The following GDA variants were observed in gnomAD, a reference collection of about 807,000 sequenced individuals.
GDA encodes cytoplasmic PSD-95 interactor.
A neutral mutation model predicts 59.6 loss-of-function variants in GDA; 18 were observed. The ratio of observed to expected loss-of-function variants is 0.30; its 90% CI spans 0.21 to 0.45. GDA has a LOEUF of 0.45. Among genes scored for constraint, GDA ranks in the 20% least tolerant of loss-of-function variants. The pLI is 1.00. For missense variants in GDA, 427 were observed against 552.3 expected (o/e 0.77, Z 2.27); for synonymous variants, 201 against 201.1 (o/e 1.00, Z 0.00).
chr9:72,116,489 T>C (rs1825453092), intron 1 of GDA, among the ~76,000 whole-genome samples: 1 of 148,196 alleles, frequency 6.7e-6, no homozygotes, highest in Non-Finnish European at 1.5e-5. Flanking sequence ...TTCAAGCAAT[T>C]CTCCTGCCTC....
chr9:72,161,675 T>C (rs934271199), intron 1 of GDA, among the ~76,000 whole-genome samples: 4 of 152,230 alleles, frequency 2.6e-5, no homozygotes, highest in Non-Finnish European at 5.9e-5. Flanking sequence ...GTTTGCTTTT[T>C]CATAAGATGG....
intron 1 of GDA, among the ~76,000 whole-genome samples, chr9:72,136,663 C>T (rs1826234657): frequency 1.3e-5 from 2 of 152,130 alleles, no homozygotes; most frequent in Admixed American, 1.3e-4. Flanking sequence ...TTTTCAAATG[C>T]AACTTTTGGC....
intron 1 of GDA, among the ~76,000 whole-genome samples, chr9:72,165,105 A>G (rs1049190834): frequency 6.6e-6 from 1 of 152,150 alleles, no homozygotes; most frequent in South Asian, 2.1e-4. Context: ...CTGAATCACA[A>G]TTCACTTGTG....
At chr9:72,182,626 G>A (rs562281836) in intron 1 of GDA, among the ~76,000 whole-genome samples, 2 of 152,192 alleles carry the variant, frequency 1.3e-5, no homozygotes, top group South Asian at 4.2e-4. Flanking sequence ...AAACTTTGTG[G>A]GGAGATACTT....
At chr9:72,225,078 T>A (rs1452706254) in intron 7 of GDA, among the ~76,000 whole-genome samples, 1 of 152,110 alleles carries the variant, frequency 6.6e-6, no homozygotes, top group Non-Finnish European at 1.5e-5. Context: ...GGTCAGGAGT[T>A]TGAGACCAGC....
chr9:72,165,771 G>A (rs1393770144), intron 1 of GDA, among the ~76,000 whole-genome samples: 2 of 148,258 alleles, frequency 1.3e-5, no homozygotes, highest in African/African-American at 2.4e-5. Context: ...GATGGCAGGT[G>A]CCTGTAATCC....
chr9:72,161,364 C>G (rs570278591), intron 1 of GDA, among the ~76,000 whole-genome samples: 84 of 152,276 alleles, frequency 5.5e-4, no homozygotes, highest in African/African-American at 2.0e-3. Context: ...TCTTCAATAA[C>G]TGGTGCTTGG....
intron 11 of GDA, among the ~76,000 whole-genome samples, chr9:72,241,545 A>G (rs1389315847): frequency 1.3e-5 from 2 of 152,176 alleles, no homozygotes; most frequent in Non-Finnish European, 2.9e-5. Context: ...AATTGTTTTA[A>G]TGGGTATTAC....
At position 72,245,169 on chromosome 9, in the gene GDA, T is replaced by C. The variant is rs1372753729; in HGVS notation, c.1157T>C (p.Ile386Thr). 8.1e-6 allele frequency: 13 copies of C among 1,613,752 alleles called. No homozygotes were observed. Among genetic ancestry groups the C allele is most frequent in the African/African-American group, 1.3e-5 (1 of 74,928 alleles). The stretch of plus-strand genomic sequence containing the variant: ...ATAGCCCTGGGGCTGGATGGTGAGA[T>C]TGGAAACTTTGAAGTGGGCAAGGAA... ...GSQALGLDGE[I>T]GNFEVGKEFD... Residue 386 changes from isoleucine (I) to threonine (T), a missense_variant, in exon 12 of 14, where the codon ATT (isoleucine) becomes ACT (threonine). Transcript: ENST00000358399.
upstream of GDA, chr9:72,149,271 A>C (rs1168807747): frequency 2.3e-6 from 1 of 443,402 alleles, no homozygotes; most frequent in Non-Finnish European, 4.0e-6. Context: ...TTGATAACTC[A>C]AAGAGTTAAC....
intron 1 of GDA, among the ~76,000 whole-genome samples, chr9:72,137,247 T>C (rs1168083529): frequency 1.8e-4 from 23 of 126,718 alleles, no homozygotes; most frequent in African/African-American, 5.6e-4. Flanking sequence ...TTTTTCTTTT[T>C]TTTTTTTTTT....
chr9:72,192,223 CTTTTTTTTTTT>C (rs869237933), intron 1 of GDA, among the ~76,000 whole-genome samples: 5 of 46,278 alleles, frequency 1.1e-4, no homozygotes, highest in Non-Finnish European at 1.5e-4. Flanking sequence ...TTCAAATAGC[CTTTTTTTTTTT>C]TTTTTTTTTT....
chr9:72,165,349 T>G (rs1230072012), intron 1 of GDA, among the ~76,000 whole-genome samples: 1 of 152,242 alleles, frequency 6.6e-6, no homozygotes, highest in Non-Finnish European at 1.5e-5. Context: ...AATCTAGCAT[T>G]TCAGCGTCAC....
chr9:72,156,615 CTG>C (rs774474751), intron 1 of GDA, among the ~76,000 whole-genome samples: 6 of 152,190 alleles, frequency 3.9e-5, no homozygotes, highest in Non-Finnish European at 8.8e-5. Context: ...ATGGCAAACA[CTG>C]TTGGTTACCC....
intron 1 of GDA, among the ~76,000 whole-genome samples, chr9:72,153,546 C>T (rs1827494968): frequency 6.7e-6 from 1 of 150,268 alleles, no homozygotes; most frequent in Non-Finnish European, 1.5e-5. Flanking sequence ...TTTATTGTGG[C>T]ACTATTCACA....
Position 72,134,923 on chromosome 9 carries a change from G to C in GDA, c.-100+20090G>C, listed in dbSNP as rs1826164509. 2.0e-5 allele frequency among the ~76,000 whole-genome samples: 3 copies of C among 152,212 alleles called. No individual in the cohort carries two copies. In the South Asian group the frequency reaches 6.2e-4, roughly 32 times the overall value. On this transcript the variant is annotated intron_variant, in intron 1 of 13. Coordinates refer to the GDA transcript ENST00000545168. Reference sequence around the variant, plus strand: ...AACCAAGCTCCTTTGGGCAAATCATGGTACTGGGAAAAGAAGTGGTTGGAC... The same window carrying C: ...AACCAAGCTCCTTTGGGCAAATCATCGTACTGGGAAAAGAAGTGGTTGGAC...
At chr9:72,118,098 C>T (rs1029660859) in intron 1 of GDA, among the ~76,000 whole-genome samples, 8 of 151,520 alleles carry the variant, frequency 5.3e-5, no homozygotes, top group African/African-American at 1.9e-4. Context: ...TGGTGAAACC[C>T]CGTCTCCACT....
rs1840376464 is a variant in GDA at position 72,248,453 on chromosome 9, A to G, written c.*111A>G. 5 of 1,544,154 alleles carry G rather than the reference A, an allele frequency of 3.2e-6. No homozygotes were observed. Among genetic ancestry groups the G allele is most frequent in the African/African-American group, 1.4e-5 (1 of 72,822 alleles). On this transcript the variant is annotated 3_prime_UTR_variant, in exon 14 of 14. Transcript: ENST00000358399. The stretch of plus-strand genomic sequence containing the variant: ...ATAGTACCTTGTTCTTGGGATGACT[A>G]TCCCTTTCTGTGTCTAGTTACAGTA...
rs1020570179 is a variant in GDA, at chr9:72,250,405, G to A, written c.*2063G>A. ...AGCATCAGAAGCAGTAGGAATGGCC[G>A]TATACAACCATCCTGTTAAACATTT... is the stretch of plus-strand genomic sequence containing the variant. On this transcript the variant is annotated 3_prime_UTR_variant, in exon 14 of 14. Transcript: ENST00000358399. The A allele has an allele frequency of 6.3e-5, 73 of 1,160,584 alleles. No homozygotes were observed. The highest frequency in any genetic ancestry group is 2.4e-4 in the East Asian group (4 of 16,652). 71.9% of individuals were successfully genotyped at this position (1,160,584 alleles called of 1,614,324 possible).
Sources: gnomAD v4.1 joint callset for allele counts (sites outside exome capture counted in the v4.1 genomes callset) on GRCh38, gnomAD v4.1.1 for gene constraint, MANE v1.5 for transcripts, NCBI Gene and HGNC (gene_info 2026-07-23, HGNC 2026-07-21) for gene names.